TAFA1: variants seen among roughly 807,000 people sequenced by gnomAD.
TAFA1 encodes the protein chemokine-like protein TAFA-1.
In TAFA1, 4 loss-of-function variants were observed where a neutral mutation model predicts 18.5. The ratio of observed to expected loss-of-function variants is 0.22; its 90% CI spans 0.11 to 0.49. TAFA1 has a LOEUF of 0.49. Among genes scored for constraint, TAFA1 ranks in the 20% least tolerant of loss-of-function variants. The pLI is 0.98. For missense variants in TAFA1, 147 were observed against 169.0 expected (o/e 0.87, Z 0.72); for synonymous variants, 56 against 55.2 (o/e 1.01, Z -0.06).
At chr3:68,065,922 T>G in intron 2 of TAFA1, among the ~76,000 whole-genome samples, 1 of 152,038 alleles carries the variant, frequency 6.6e-6, no homozygotes, top group East Asian at 1.9e-4. Context: ...CAATAAAAAC[T>G]AATGAACTAT....
intron 2 of TAFA1, among the ~76,000 whole-genome samples, chr3:68,270,875 T>A (rs1211324588): frequency 6.6e-6 from 1 of 152,176 alleles, no homozygotes; most frequent in Non-Finnish European, 1.5e-5. Context: ...GAGCTTTTGT[T>A]TTTTAAGAAA....
intron 3 of TAFA1, among the ~76,000 whole-genome samples, chr3:68,508,467 T>C (rs1319839073): frequency 6.8e-6 from 1 of 146,424 alleles, no homozygotes; most frequent in African/African-American, 2.5e-5. Context: ...TTAGCAACTC[T>C]ATGCTGTGGA....
intron 2 of TAFA1, among the ~76,000 whole-genome samples, chr3:68,353,240 T>C (rs1327356853): frequency 6.6e-6 from 1 of 152,110 alleles, no homozygotes; most frequent in Non-Finnish European, 1.5e-5. Context: ...TAGTAGTCTT[T>C]GGTCCATCTT....
At chr3:68,491,475 G>C (rs1351468180) in intron 3 of TAFA1, among the ~76,000 whole-genome samples, 1 of 145,650 alleles carries the variant, frequency 6.9e-6, no homozygotes, top group African/African-American at 2.6e-5. Flanking sequence ...TCACTCATAG[G>C]TGGGAATTGA....
intron 2 of TAFA1, among the ~76,000 whole-genome samples, chr3:68,310,579 A>T (rs72626951): frequency 0.026 from 3,931 of 152,292 alleles, 87 homozygotes; most frequent in East Asian, 0.098. Context: ...TCAAATTATA[A>T]TTCATATAAA....
intron 2 of TAFA1, among the ~76,000 whole-genome samples, chr3:68,396,043 T>C (rs2070378093): frequency 6.6e-6 from 1 of 152,122 alleles, no homozygotes; most frequent in Non-Finnish European, 1.5e-5. Flanking sequence ...TAGCATTCTT[T>C]ATAATTTTTG....
intron 2 of TAFA1, among the ~76,000 whole-genome samples, chr3:68,324,374 T>A (rs1001127640): frequency 2.6e-5 from 4 of 152,158 alleles, no homozygotes; most frequent in African/African-American, 7.2e-5. Context: ...ATACAAAATA[T>A]GTTTGAAAAT....
At chr3:68,010,481 G>A (rs549192127) in intron 2 of TAFA1, among the ~76,000 whole-genome samples, 1 of 152,268 alleles carries the variant, frequency 6.6e-6, no homozygotes, top group South Asian at 2.1e-4. Context: ...TCGAGACCAC[G>A]TTTTTGTGAG....
intron 2 of TAFA1, among the ~76,000 whole-genome samples, chr3:68,225,315 C>T (rs545896078): frequency 1.3e-5 from 2 of 152,230 alleles, no homozygotes; most frequent in Non-Finnish European, 2.9e-5. Flanking sequence ...TTTCAACAAC[C>T]TGCAATGTCT....
chr3:68,065,774 A>T (rs916540476), intron 2 of TAFA1, among the ~76,000 whole-genome samples: 7 of 140,126 alleles, frequency 5.0e-5, no homozygotes, highest in Non-Finnish European at 9.2e-5. Context: ...ATACACACAC[A>T]TTACCTATGC....
intron 2 of TAFA1, among the ~76,000 whole-genome samples, chr3:68,329,350 GC>G (rs1208406158): frequency 4.0e-5 from 6 of 151,346 alleles, no homozygotes; most frequent in African/African-American, 1.5e-4. Context: ...ACAGATGTGA[GC>G]CACAGCGCCC....
chr3:68,457,269 C>T (rs2106912151), intron 3 of TAFA1, among the ~76,000 whole-genome samples: 1 of 152,198 alleles, frequency 6.6e-6, no homozygotes, highest in Non-Finnish European at 1.5e-5. Flanking sequence ...CATGTATGGC[C>T]TGTAAGTGTG....
At chr3:68,288,256 G>T (rs937697648) in intron 2 of TAFA1, among the ~76,000 whole-genome samples, 1 of 152,094 alleles carries the variant, frequency 6.6e-6, no homozygotes, top group Admixed American at 6.6e-5. Flanking sequence ...CGGGTTCCAG[G>T]CCCACGTGGA....
intron 2 of TAFA1, among the ~76,000 whole-genome samples, chr3:68,301,082 C>A (rs2068295965): frequency 6.6e-6 from 1 of 152,138 alleles, no homozygotes; most frequent in South Asian, 2.1e-4. Context: ...AAAGGTAATA[C>A]ATTCACATGG....
chr3:68,514,086 G>C (rs959174724), intron 3 of TAFA1, among the ~76,000 whole-genome samples: 2 of 152,026 alleles, frequency 1.3e-5, no homozygotes, highest in Non-Finnish European at 2.9e-5. Context: ...AATCTCTCTG[G>C]GCTCTCTTTT....
intron 2 of TAFA1, among the ~76,000 whole-genome samples, chr3:68,363,655 T>C (rs1559634421): frequency 1.3e-5 from 2 of 152,176 alleles, no homozygotes; most frequent in South Asian, 2.1e-4. Context: ...AGAAAAACTT[T>C]TGCAATTTTA....
intron 2 of TAFA1, among the ~76,000 whole-genome samples, chr3:68,095,653 A>AATG (rs1363091323): frequency 1.3e-5 from 2 of 152,130 alleles, no homozygotes; most frequent in African/African-American, 4.8e-5. Flanking sequence ...TGGTGATGAT[A>AATG]ATGATGATGG....
intron 3 of TAFA1, among the ~76,000 whole-genome samples, chr3:68,441,852 A>G (rs1019021798): frequency 1.3e-5 from 2 of 152,194 alleles, no homozygotes; most frequent in Non-Finnish European, 2.9e-5. Context: ...CTGCAGCACT[A>G]CAGCCCCTTT....
intron 4 of TAFA1, among the ~76,000 whole-genome samples, chr3:68,540,445 T>C (rs994099807): frequency 2.0e-5 from 3 of 152,210 alleles, no homozygotes. Flanking sequence ...AGGTGGGAAA[T>C]CAGGTTTCCC....
Sources: gnomAD v4.1 joint callset for allele counts (sites outside exome capture counted in the v4.1 genomes callset) on GRCh38, gnomAD v4.1.1 for gene constraint, MANE v1.5 for transcripts, NCBI Gene and HGNC (gene_info 2026-07-23, HGNC 2026-07-21) for gene names.